XKR9: variants seen among roughly 807,000 people sequenced by gnomAD.
XKR9 encodes the protein XK related 9, also known as XK-related protein 9.
In XKR9, 32 loss-of-function variants were observed where a neutral mutation model predicts 32.0. The ratio of observed to expected loss-of-function variants is 1.00; its 90% CI spans 0.76 to 1.34. The LOEUF (loss-of-function observed/expected upper bound fraction) is 1.34, where lower values mean the gene tolerates loss of function less well. Among genes scored for constraint, XKR9 ranks in the 40% most tolerant of loss-of-function variants. XKR9 has a pLI of 0.00. For synonymous variants in XKR9, 168 were observed against 143.4 expected (o/e 1.17, Z -1.22); for missense variants, 546 against 429.7 (o/e 1.27, Z -2.39).
chr8:70,696,407 C>T (rs2132146157), intron 3 of XKR9, among the ~76,000 whole-genome samples: 1 of 151,946 alleles, frequency 6.6e-6, no homozygotes, highest in East Asian at 1.9e-4. Context: ...ATATGGCTAG[C>T]CAGTTTTCCC....
At chr8:70,882,074 G>A in the XKR9 span, among the ~76,000 whole-genome samples, 1 of 152,070 alleles carries the variant, frequency 6.6e-6, no homozygotes, top group African/African-American at 2.4e-5. Context: ...GAAATCACTT[G>A]GACACAGGGC....
intron 3 of XKR9, among the ~76,000 whole-genome samples, chr8:70,682,286 CTGTA>C (rs748110649): frequency 2.5e-4 from 38 of 152,194 alleles, no homozygotes; most frequent in East Asian, 3.9e-4. Flanking sequence ...AATGAGTACT[CTGTA>C]TGAGCAATAT....
At chr8:70,926,599 C>T in the XKR9 span, among the ~76,000 whole-genome samples, 1 of 152,014 alleles carries the variant, frequency 6.6e-6, no homozygotes, top group Admixed American at 6.6e-5. Context: ...CAAAGAGGGC[C>T]CAGAGTGTGA....
the XKR9 span, among the ~76,000 whole-genome samples, chr8:71,034,158 T>C: frequency 2.6e-5 from 4 of 152,282 alleles, no homozygotes; most frequent in African/African-American, 9.6e-5. Context: ...TTATCTTGAA[T>C]TATAATTTAA....
chr8:71,022,221 G>GT, the XKR9 span, among the ~76,000 whole-genome samples: 15 of 152,128 alleles, frequency 9.9e-5, no homozygotes. Context: ...GTACCATGCT[G>GT]TTTTGGTTAT....
At chr8:70,752,983 T>G (rs1235508593) in intron 2 of XKR9, among the ~76,000 whole-genome samples, 1 of 152,058 alleles carries the variant, frequency 6.6e-6, no homozygotes, top group Non-Finnish European at 1.5e-5. Context: ...CAGGAGCTGA[T>G]TTTTTGAAAG....
chr8:70,873,337 C>T, the XKR9 span, among the ~76,000 whole-genome samples: 96 of 152,252 alleles, frequency 6.3e-4, no homozygotes, highest in African/African-American at 2.2e-3. Context: ...TTTAATAAGG[C>T]TATAGCTGCC....
chr8:70,859,432 C>T, the XKR9 span, among the ~76,000 whole-genome samples: 3 of 151,936 alleles, frequency 2.0e-5, no homozygotes, highest in Non-Finnish European at 2.9e-5. Flanking sequence ...TTAGTATATC[C>T]GTAAGAACAG....
the XKR9 span, among the ~76,000 whole-genome samples, chr8:70,934,830 C>G: frequency 6.6e-6 from 1 of 151,638 alleles, no homozygotes; most frequent in Non-Finnish European, 1.5e-5. Flanking sequence ...AAATTAAGAG[C>G]TCATTTATTT....
the XKR9 span, among the ~76,000 whole-genome samples, chr8:70,933,048 G>A: frequency 1.3e-5 from 2 of 152,040 alleles, no homozygotes; most frequent in Non-Finnish European, 2.9e-5. Context: ...TCTAAAACCC[G>A]GGCCTACCTT....
At chr8:71,039,046 C>T in the XKR9 span, among the ~76,000 whole-genome samples, 3 of 151,938 alleles carry the variant, frequency 2.0e-5, no homozygotes, top group African/African-American at 7.3e-5. Flanking sequence ...TCAAGTGATC[C>T]GCCTGTCTTG....
At chr8:70,778,427 T>C (rs1342206855) in intron 2 of XKR9, among the ~76,000 whole-genome samples, 1 of 152,158 alleles carries the variant, frequency 6.6e-6, no homozygotes, top group African/African-American at 2.4e-5. Flanking sequence ...CTTGTCTATG[T>C]GAGCTCTTTT....
the XKR9 span, among the ~76,000 whole-genome samples, chr8:70,867,845 GCTT>G: frequency 6.6e-6 from 1 of 152,186 alleles, no homozygotes; most frequent in East Asian, 1.9e-4. Flanking sequence ...CTGCCTATGA[GCTT>G]CTAAAATCAA....
intron 2 of XKR9, among the ~76,000 whole-genome samples, chr8:70,741,838 A>G (rs912509178): frequency 6.6e-6 from 1 of 152,158 alleles, no homozygotes; most frequent in Non-Finnish European, 1.5e-5. Flanking sequence ...GGATTTCTTG[A>G]TCATATGGTG....
At chr8:70,846,597 T>TA in the XKR9 span, among the ~76,000 whole-genome samples, 1 of 151,888 alleles carries the variant, frequency 6.6e-6, no homozygotes, top group African/African-American at 2.4e-5. Flanking sequence ...CTGAATGAAT[T>TA]AAAAAAACCC....
the XKR9 span, among the ~76,000 whole-genome samples, chr8:70,858,228 T>G: frequency 4.6e-5 from 7 of 151,998 alleles, no homozygotes; most frequent in Non-Finnish European, 8.8e-5. Context: ...CATCGTCTCA[T>G]CCCAAAATCT....
chr8:70,706,407 A>C (rs747562636), intron 3 of XKR9, among the ~76,000 whole-genome samples: 4 of 152,108 alleles, frequency 2.6e-5, no homozygotes, highest in Non-Finnish European at 5.9e-5. Flanking sequence ...TCTAGATTAC[A>C]TTTAAGGAAG....
At chr8:70,677,135 A>T (rs539806865) in intron 2 of XKR9, among the ~76,000 whole-genome samples, 3 of 144,188 alleles carry the variant, frequency 2.1e-5, no homozygotes, top group Admixed American at 1.4e-4. Flanking sequence ...TTAAAAAAAA[A>T]TAAAAAAAAT....
At chr8:70,901,211 C>G in the XKR9 span, among the ~76,000 whole-genome samples, 2 of 152,150 alleles carry the variant, frequency 1.3e-5, no homozygotes, top group African/African-American at 4.8e-5. Context: ...ATTTCTAGTT[C>G]TAGATCCCTG....
Sources: gnomAD v4.1 joint callset for allele counts (sites outside exome capture counted in the v4.1 genomes callset) on GRCh38, gnomAD v4.1.1 for gene constraint, MANE v1.5 for transcripts, NCBI Gene and HGNC (gene_info 2026-07-23, HGNC 2026-07-21) for gene names.